The following L3MBTL4 variants were observed in gnomAD, a reference collection of about 807,000 sequenced individuals.
The protein encoded by L3MBTL4 is lethal(3)malignant brain tumor-like protein 4.
Under a neutral mutation model 84.5 loss-of-function variants are expected in L3MBTL4, and 70 were observed. The observed-to-expected ratio is 0.83, with a 90% CI of 0.68 to 1.01. The LOEUF (loss-of-function observed/expected upper bound fraction) is 1.01. Among genes scored for constraint, L3MBTL4 ranks in the 50% least tolerant of loss-of-function variants. L3MBTL4 has a pLI of 0.00. For synonymous variants in L3MBTL4, 274 were observed against 259.8 expected, an observed-to-expected ratio of 1.05 and a Z score of -0.52; for missense variants, 715 against 754.8, an observed-to-expected ratio of 0.95 and a Z score of 0.62.
intron 1 of L3MBTL4, among the ~76,000 whole-genome samples, chr18:6,333,665 G>A (rs2052168082): frequency 6.6e-6 from 1 of 151,990 alleles, no homozygotes. Context: ...ACACGTATGT[G>A]TTTACATAAC....
intron 5 of L3MBTL4, among the ~76,000 whole-genome samples, chr18:6,263,174 C>A (rs1233159242): frequency 6.7e-6 from 1 of 149,976 alleles, no homozygotes; most frequent in African/African-American, 2.5e-5. Flanking sequence ...GATGCTGAGG[C>A]AGGAGAATCG....
chr18:6,239,887 G>T lies in L3MBTL4; in HGVS notation c.553-15C>A. On this transcript the variant is annotated splice_polypyrimidine_tract_variant and intron_variant, in intron 8 of 18. Coordinates refer to ENST00000317931, the MANE Select transcript of L3MBTL4 (RefSeq NM_001330559.2). ...ATTGGCCCATTCTAACGCAGCACCA[G>T]CAGGGGAAGAAGCACAAAAAGAAAC... 1 of 1,613,794 alleles carries T rather than the reference G, an allele frequency of 6.2e-7. No individual in the cohort carries two copies.
rs2055755645 is a variant in L3MBTL4, at chr18:6,030,754, A to G, written c.1444+50127T>C. 3 of 980,500 alleles carry G rather than the reference A, an allele frequency of 3.1e-6. No homozygotes were observed. In the African/African-American group the frequency reaches 5.3e-5, roughly 17 times the overall value. The allele number at this position is 980,500 out of a possible 1,614,324, so 60.7% of individuals were successfully genotyped here. A position where few individuals can be genotyped will look rare whatever the true frequency, so the allele number is the denominator to read the frequency against. On this transcript the variant is annotated intron_variant, in intron 16 of 18. Coordinates refer to ENST00000317931, the MANE Select transcript of L3MBTL4 (RefSeq NM_001330559.2). ...TTTCTCTCTACTCCCTATTTCGTTA[A>G]TTTTCTAAGATTTTTCTGGCTTGAA...
intron 4 of L3MBTL4, among the ~76,000 whole-genome samples, chr18:6,293,065 CTATAGTG>C (rs1173738591): frequency 6.6e-6 from 1 of 152,240 alleles, no homozygotes; most frequent in African/African-American, 2.4e-5. Context: ...CATACCCCAA[CTATAGTG>C]TATACCCCAA....
chr18:6,253,349 T>C (rs1478793499), intron 5 of L3MBTL4, among the ~76,000 whole-genome samples: 1 of 152,266 alleles, frequency 6.6e-6, no homozygotes, highest in Non-Finnish European at 1.5e-5. Flanking sequence ...ATTCAGGCCT[T>C]GGCCTGTGCA....
intron 13 of L3MBTL4, among the ~76,000 whole-genome samples, chr18:6,150,266 T>C (rs1419660598): frequency 6.6e-6 from 1 of 152,126 alleles, no homozygotes; most frequent in Non-Finnish European, 1.5e-5. Flanking sequence ...AGTGACTATA[T>C]CATTTTTCCA....
intron 14 of L3MBTL4, among the ~76,000 whole-genome samples, chr18:6,124,401 G>T (rs144285348): frequency 0.015 from 2,280 of 148,928 alleles, 64 homozygotes; most frequent in African/African-American, 0.054. Context: ...GACATATATA[G>T]GGGGATTTTA....
intron 1 of L3MBTL4, among the ~76,000 whole-genome samples, chr18:6,413,307 CTCAATGTTGCCTCACATCTAAGAGCATAA>C (rs1471301698): frequency 6.6e-6 from 1 of 152,156 alleles, no homozygotes; most frequent in Non-Finnish European, 1.5e-5. Context: ...GCAATACATC[CTCAATGTTGCCTCACATCTAAGAGCATAA>C]TTAATAGCAG....
chr18:6,352,196 A>T (rs2053232298), intron 1 of L3MBTL4, among the ~76,000 whole-genome samples: 1 of 152,146 alleles, frequency 6.6e-6, no homozygotes, highest in South Asian at 2.1e-4. Context: ...AATCTGGAGC[A>T]CCTAGCCACT....
chr18:6,212,856 G>T (rs529639244), intron 12 of L3MBTL4, among the ~76,000 whole-genome samples: 16 of 152,274 alleles, frequency 1.1e-4, no homozygotes, highest in African/African-American at 3.8e-4. Context: ...CCAAAGACAT[G>T]TGACTAGAAA....
chr18:6,021,867 C>T (rs2055287171), intron 16 of L3MBTL4, among the ~76,000 whole-genome samples: 1 of 152,128 alleles, frequency 6.6e-6, no homozygotes, highest in Non-Finnish European at 1.5e-5. Flanking sequence ...TACACACACT[C>T]TCTAGTCCTT....
chr18:6,015,438 T>A (rs2054922531), intron 16 of L3MBTL4, among the ~76,000 whole-genome samples: 1 of 152,066 alleles, frequency 6.6e-6, no homozygotes, highest in Non-Finnish European at 1.5e-5. Flanking sequence ...ACTCTTCTCA[T>A]CACAATACCA....
chr18:6,335,223 T>C (rs1241710959), intron 1 of L3MBTL4, among the ~76,000 whole-genome samples: 1 of 152,180 alleles, frequency 6.6e-6, no homozygotes, highest in Non-Finnish European at 1.5e-5. Context: ...CCTGAGTAGT[T>C]GGGATTACAG....
intron 1 of L3MBTL4, among the ~76,000 whole-genome samples, chr18:6,345,001 A>G (rs1373442867): frequency 6.6e-6 from 1 of 152,022 alleles, no homozygotes; most frequent in African/African-American, 2.4e-5. Flanking sequence ...AGGCAAAAGA[A>G]AAACAAAAAA....
chr18:6,324,723 A>G (rs1463872528), intron 1 of L3MBTL4, among the ~76,000 whole-genome samples: 1 of 151,210 alleles, frequency 6.6e-6, no homozygotes, highest in Non-Finnish European at 1.5e-5. Context: ...GCCTTTTATA[A>G]AACCATGCAG....
intron 16 of L3MBTL4, among the ~76,000 whole-genome samples, chr18:6,079,641 G>T (rs1046214052): frequency 8.6e-5 from 13 of 152,016 alleles, no homozygotes; most frequent in African/African-American, 3.1e-4. Context: ...GTTTGAACAA[G>T]AACATATACA....
At chr18:6,395,615 C>T (rs2055240139) in intron 1 of L3MBTL4, 1 of 152,128 alleles carries the variant, frequency 6.6e-6, no homozygotes, top group Non-Finnish European at 1.5e-5. Flanking sequence ...ATCATGGTCT[C>T]AGATAATATG....
At chr18:5,982,009 T>TGTG (rs1567946143) in intron 16 of L3MBTL4, among the ~76,000 whole-genome samples, 5 of 95,458 alleles carry the variant, frequency 5.2e-5, no homozygotes, top group East Asian at 1.1e-3. Context: ...TGTGTGTGTG[T>TGTG]TTTGGGAAAA....
At chr18:6,101,197 G>A (rs1370244776) in intron 14 of L3MBTL4, among the ~76,000 whole-genome samples, 3 of 152,114 alleles carry the variant, frequency 2.0e-5, no homozygotes, top group Admixed American at 2.0e-4. Flanking sequence ...GGCTTTTCCA[G>A]GTTTTCCGCT....
Sources: allele counts gnomAD v4.1 joint callset (sites outside exome capture counted in the v4.1 genomes callset), GRCh38; gene constraint gnomAD v4.1.1; transcripts MANE v1.5; gene names NCBI Gene and HGNC (gene_info 2026-07-23, HGNC 2026-07-21).